The following ATXN2 variants were observed in gnomAD, a reference collection of about 807,000 sequenced individuals.
ATXN2 encodes ataxin-2.
A neutral mutation model predicts 138.6 loss-of-function variants in ATXN2; 37 were observed. The ratio of observed to expected loss-of-function variants is 0.27; its 90% CI spans 0.21 to 0.35. ATXN2 has a LOEUF of 0.35. Ranked by LOEUF, ATXN2 falls within the 10% of genes least tolerant of loss-of-function variation. The pLI is 1.00. For synonymous variants in ATXN2, 549 were observed against 543.7 expected, an observed-to-expected ratio of 1.01 and a Z score of -0.13; for missense variants, 1,216 against 1,480.3, an observed-to-expected ratio of 0.82 and a Z score of 2.93.
chr12:111,586,315 G>A (rs1446705070), intron 1 of ATXN2, among the ~76,000 whole-genome samples: 4 of 149,604 alleles, frequency 2.7e-5, no homozygotes, highest in East Asian at 4.0e-4. Flanking sequence ...TTCACCTCCC[G>A]GGTTCAAGCG....
intron 14 of ATXN2, among the ~76,000 whole-genome samples, chr12:111,499,662 A>G (rs771067224): frequency 6.6e-6 from 1 of 152,024 alleles, no homozygotes; most frequent in Non-Finnish European, 1.5e-5. Context: ...CAACAAAGTG[A>G]GACTCTGTCT....
intron 1 of ATXN2, among the ~76,000 whole-genome samples, chr12:111,566,430 C>A (rs1883009261): frequency 7.1e-6 from 1 of 141,690 alleles, no homozygotes; most frequent in Non-Finnish European, 1.5e-5. Context: ...GCAAAAAAAA[C>A]TCCATCTCAA....
intron 14 of ATXN2, among the ~76,000 whole-genome samples, chr12:111,495,300 C>A (rs2135711023): frequency 7.1e-6 from 1 of 140,152 alleles, no homozygotes; most frequent in African/African-American, 2.7e-5. Context: ...AATAGCAAAA[C>A]TCTGTCTCAA....
chr12:111,595,393 G>C (rs1285306555), intron 1 of ATXN2, among the ~76,000 whole-genome samples: 1 of 152,156 alleles, frequency 6.6e-6, no homozygotes, highest in Non-Finnish European at 1.5e-5. Flanking sequence ...TGCAATCCCA[G>C]CACTTTGGGA....
chr12:111,592,115 G>C (rs981746740), intron 1 of ATXN2, among the ~76,000 whole-genome samples: 1 of 146,982 alleles, frequency 6.8e-6, no homozygotes, highest in African/African-American at 2.5e-5. Flanking sequence ...GAGGCTGGGC[G>C]GGGGTGGCTC....
At chr12:111,518,486 A>G (rs1879977963) in intron 8 of ATXN2, 59 bp from the exon 9 acceptor site, 4 of 1,505,578 alleles carry the variant, frequency 2.7e-6, no homozygotes, top group Admixed American at 1.9e-5. Flanking sequence ...CCAATGAAAC[A>G]TATCTAAAAG....
intron 10 of ATXN2, 73 bp from the exon 11 acceptor site, chr12:111,513,612 C>T: frequency 7.5e-7 from 1 of 1,330,996 alleles, no homozygotes; most frequent in Non-Finnish European, 1.0e-6. Context: ...TAAATACACC[C>T]ATTCACACAC....
Position 111,552,201 on chromosome 12 carries a change from G to T in ATXN2, c.571+79C>A, listed in dbSNP as rs941436093. 1.0e-5 allele frequency: 15 copies of T among 1,436,176 alleles called. No homozygotes were observed. The Admixed American group carries it at 3.2e-4, about 30-fold the overall frequency. The allele number at this position is 1,436,176 out of a possible 1,614,324, so 89.0% of individuals were successfully genotyped here. On this transcript the variant is annotated intron_variant, in intron 5 of 24. Coordinates refer to ENST00000673436, the MANE Select transcript of ATXN2 (RefSeq NM_001372574.1). This position sits in a 1 kb window ranked among gnomAD's most constrained non-coding sequence, Gnocchi z 4.1. The stretch of plus-strand genomic sequence containing the variant: ...CAGCCCAGATATTTCTTTAAAAAAA[G>T]TTTGTAAGATCACTGTGAAAATCTT...
chr12:111,594,821 C>T (rs1370797606), intron 1 of ATXN2, among the ~76,000 whole-genome samples: 2 of 152,202 alleles, frequency 1.3e-5, no homozygotes, highest in East Asian at 3.9e-4. Context: ...AGGTTAACAA[C>T]AACAACAAAG....
At chr12:111,512,873 T>C (rs1054213086) in intron 11 of ATXN2, 3 of 152,700 alleles carry the variant, frequency 2.0e-5, no homozygotes, top group African/African-American at 7.2e-5. Flanking sequence ...TGGGAATTAG[T>C]GCCATATACA....
At chr12:111,513,633 A>ACACT in intron 10 of ATXN2, 94 bp from the exon 11 acceptor site, 1 of 1,014,464 alleles carries the variant, frequency 9.9e-7, no homozygotes, top group Non-Finnish European at 1.3e-6. Context: ...ACATGCACAC[A>ACACT]CACTCACTCA....
At chr12:111,505,377 T>G (rs1592841786) in intron 14 of ATXN2, among the ~76,000 whole-genome samples, 1 of 152,302 alleles carries the variant, frequency 6.6e-6, no homozygotes, top group East Asian at 1.9e-4. Context: ...AATTAAAAAT[T>G]TTTGTGCTTC....
At chr12:111,554,338 T>C in intron 2 of ATXN2, 121 bp from the exon 3 acceptor site, 1 of 594,082 alleles carries the variant, frequency 1.7e-6, no homozygotes, top group Non-Finnish European at 2.7e-6. Context: ...TGGGGATATT[T>C]GCATTATACT....
rs201023351 is a variant in ATXN2 at position 111,462,973 on chromosome 12, T to TACAC, written c.2896+1688_2896+1689insGTGT. ...ATATATACACACATACATATATATA[T>TACAC]ATATACACACACACACACACACACA... On this transcript the variant is annotated intron_variant, in intron 21 of 24. Transcript: ENST00000673436. 2.3e-3 allele frequency among the ~76,000 whole-genome samples: 313 copies of TACAC among 136,568 alleles called. 4 individuals carry two copies. The highest frequency in any genetic ancestry group is 0.014 in the East Asian group (19 of 1,396). 89.6% of individuals were successfully genotyped at this position (136,568 alleles called of 152,430 possible). A position where few individuals can be genotyped will look rare whatever the true frequency, so the allele number is the denominator to read the frequency against.
At chr12:111,553,604 A>AAAAAAAAATTTTTTTTT (rs1882237738) in intron 3 of ATXN2, among the ~76,000 whole-genome samples, 3 of 85,004 alleles carry the variant, frequency 3.5e-5, no homozygotes, top group Admixed American at 1.5e-4. Context: ...AAAAAAAAAA[A>AAAAAAAAATTTTTTTTT]TTTTTTTTTT....
chr12:111,540,459 ATCTT>A (rs1881434233), intron 5 of ATXN2, among the ~76,000 whole-genome samples: 1 of 150,668 alleles, frequency 6.6e-6, no homozygotes, highest in African/African-American at 2.4e-5. Flanking sequence ...AGTAGTAGTA[ATCTT>A]TCTCACATTT....
chr12:111,557,711 TG>T (rs1882464680), intron 1 of ATXN2, among the ~76,000 whole-genome samples: 1 of 152,216 alleles, frequency 6.6e-6, no homozygotes, highest in Non-Finnish European at 1.5e-5. Context: ...GCTGCCTCTC[TG>T]GAACTGTATC....
At chr12:111,599,473 G>A, upstream of ATXN2, 1 of 1,214,048 alleles carries the variant, frequency 8.2e-7, no homozygotes, top group Non-Finnish European at 1.0e-6. Context: ...GAGACTCGGT[G>A]GCCACCGCGG....
chr12:111,527,486 T>C (rs939310762), intron 5 of ATXN2, among the ~76,000 whole-genome samples: 2 of 152,234 alleles, frequency 1.3e-5, no homozygotes, highest in Non-Finnish European at 2.9e-5. Flanking sequence ...AATTTAAGCA[T>C]GGAACTTCAA....
Sources: gnomAD v4.1 joint callset for allele counts (sites outside exome capture counted in the v4.1 genomes callset) on GRCh38, gnomAD v4.1.1 for gene constraint, Gnocchi (gnomAD v3.1) non-coding constraint, MANE v1.5 for transcripts, NCBI Gene and HGNC (gene_info 2026-07-23, HGNC 2026-07-21) for gene names.